CDH13: variants seen among roughly 807,000 people sequenced by gnomAD.
The protein encoded by CDH13 is cadherin-13.
CDH13 carries 24 observed loss-of-function variants against 63.8 expected under a neutral mutation model. That is an observed-to-expected ratio of 0.38 (90% confidence interval 0.27 to 0.53). CDH13 has a LOEUF of 0.53. Ranked by LOEUF, CDH13 falls within the 20% of genes least tolerant of loss-of-function variation. The probability of loss-of-function intolerance (pLI) is 0.85; values close to 1 mark genes in which losing one functional copy is unlikely to be tolerated. For synonymous variants in CDH13, 503 were observed against 355.3 expected, an observed-to-expected ratio of 1.42 and a Z score of -4.67; for missense variants, 1,049 against 903.1, an observed-to-expected ratio of 1.16 and a Z score of -2.07.
At chr16:82,990,706 C>T (rs886398482) in intron 2 of CDH13, among the ~76,000 whole-genome samples, 2 of 151,994 alleles carry the variant, frequency 1.3e-5, no homozygotes, top group African/African-American at 4.8e-5. Flanking sequence ...GCCACCAGGA[C>T]CAGCTATTTA....
intron 2 of CDH13, among the ~76,000 whole-genome samples, chr16:82,901,324 CTGTGTGTGTGTG>C (rs61370328): frequency 1.2e-3 from 155 of 130,464 alleles, no homozygotes; most frequent in Admixed American, 1.8e-3. Flanking sequence ...TAGTATTCTC[CTGTGTGTGTGTG>C]TGTGTGTGTG....
chr16:82,678,030 A>G (rs1018391987), intron 1 of CDH13, among the ~76,000 whole-genome samples: 2 of 152,160 alleles, frequency 1.3e-5, no homozygotes, highest in African/African-American at 2.4e-5. Flanking sequence ...GAATAGTAAG[A>G]AGCATTGCAC....
At position 83,795,052 on chromosome 16, in the gene CDH13, T is replaced by C. The variant is rs777295685; in HGVS notation, c.*22T>C. 21 of 1,582,072 alleles carry C rather than the reference T, an allele frequency of 1.3e-5. No homozygotes were observed. The South Asian group carries it at 2.2e-4, about 17-fold the overall frequency. On this transcript the variant is annotated 3_prime_UTR_variant, in exon 14 of 14. Coordinates refer to ENST00000567109, the MANE Select transcript of CDH13 (RefSeq NM_001257.5). ...GTGAGAACTCCTGACGTCTGAAGCT[T>C]GACTCCCAAGTTTCCATAGCAACAG...
At chr16:83,217,295 T>C (rs1437270872) in intron 4 of CDH13, 50 bp from the exon 5 acceptor site, 2 of 1,598,222 alleles carry the variant, frequency 1.3e-6, no homozygotes, top group African/African-American at 2.7e-5. Context: ...CAATGTGCTT[T>C]CTCTGTGTTT....
intron 2 of CDH13, among the ~76,000 whole-genome samples, chr16:82,975,005 C>T (rs1597337042): frequency 6.6e-6 from 1 of 152,170 alleles, no homozygotes; most frequent in Admixed American, 6.5e-5. Flanking sequence ...TCCAGGCCCA[C>T]ATTTCTGATA....
At chr16:83,376,907 G>A (rs1480023945) in intron 6 of CDH13, among the ~76,000 whole-genome samples, 2 of 152,150 alleles carry the variant, frequency 1.3e-5, no homozygotes, top group East Asian at 1.9e-4. Flanking sequence ...TCTGATAGAA[G>A]CCAGCACCAC....
chr16:83,447,324 A>G (rs2072735829), intron 6 of CDH13, among the ~76,000 whole-genome samples: 1 of 151,760 alleles, frequency 6.6e-6, no homozygotes, highest in South Asian at 2.1e-4. Flanking sequence ...CCAAGGCAGG[A>G]GATTTGCTTG....
intron 7 of CDH13, among the ~76,000 whole-genome samples, chr16:83,501,358 T>C (rs1345878371): frequency 6.6e-6 from 1 of 152,238 alleles, no homozygotes; most frequent in African/African-American, 2.4e-5. Flanking sequence ...TCTAAATTGT[T>C]GTGTGGGCTG....
chr16:82,856,757 C>T (rs1296360875), intron 1 of CDH13, among the ~76,000 whole-genome samples: 1 of 123,702 alleles, frequency 8.1e-6, no homozygotes, highest in Admixed American at 7.8e-5. Context: ...AGAAAAAATA[C>T]CAATAGGGAA....
chr16:82,897,658 A>G (rs922088284), intron 2 of CDH13, among the ~76,000 whole-genome samples: 1 of 152,244 alleles, frequency 6.6e-6, no homozygotes, highest in East Asian at 1.9e-4. Context: ...TGACACTTAA[A>G]GCCCATACCC....
intron 6 of CDH13, among the ~76,000 whole-genome samples, chr16:83,395,187 G>C (rs1446538708): frequency 1.3e-5 from 2 of 149,888 alleles, no homozygotes; most frequent in African/African-American, 2.5e-5. Context: ...GGTGGCATGT[G>C]CCTGTAATCC....
intron 2 of CDH13, among the ~76,000 whole-genome samples, chr16:82,934,823 A>T (rs2042614981): frequency 6.6e-6 from 1 of 152,204 alleles, no homozygotes; most frequent in African/African-American, 2.4e-5. Context: ...TCTCTGTCTG[A>T]GATCACCTCA....
At chr16:82,802,170 G>A (rs985466533) in intron 1 of CDH13, among the ~76,000 whole-genome samples, 1 of 152,154 alleles carries the variant, frequency 6.6e-6, no homozygotes, top group Non-Finnish European at 1.5e-5. Context: ...CTTTCCACCT[G>A]CCAAGAGAGG....
At chr16:83,499,797 C>T (rs144564127) in intron 7 of CDH13, among the ~76,000 whole-genome samples, 1 of 99,746 alleles carries the variant, frequency 1.0e-5, no homozygotes, top group African/African-American at 3.8e-5. Flanking sequence ...TTTAGAAAAC[C>T]AATTCTGTTA....
chr16:83,157,804 T>G (rs1185944507), intron 4 of CDH13, among the ~76,000 whole-genome samples: 1 of 146,738 alleles, frequency 6.8e-6, no homozygotes, highest in Non-Finnish European at 1.5e-5. Flanking sequence ...TCCCAGCAAC[T>G]CGGGAGGCAG....
intron 2 of CDH13, among the ~76,000 whole-genome samples, chr16:82,943,760 AC>A (rs1904384773): frequency 1.3e-5 from 2 of 152,378 alleles, no homozygotes; most frequent in Non-Finnish European, 2.9e-5. Context: ...GCAATCAATT[AC>A]ACAGATGTCT....
chr16:82,908,262 AG>A (rs979083226), intron 2 of CDH13, among the ~76,000 whole-genome samples: 168 of 152,228 alleles, frequency 1.1e-3, no homozygotes, highest in African/African-American at 3.7e-3. Context: ...CTGAGGGAGG[AG>A]GTGCCTTCTT....
chr16:82,866,202 G>A (rs549820418), intron 2 of CDH13, among the ~76,000 whole-genome samples: 47 of 152,106 alleles, frequency 3.1e-4, no homozygotes, highest in African/African-American at 1.1e-3. Context: ...TCTCTGGGAA[G>A]TTCCAAACTT....
intron 1 of CDH13, among the ~76,000 whole-genome samples, chr16:82,752,311 T>A (rs1293373816): frequency 6.6e-6 from 1 of 152,210 alleles, no homozygotes; most frequent in Non-Finnish European, 1.5e-5. Flanking sequence ...CCGCCAATGA[T>A]GGATAGAGAG....
Sources: gnomAD v4.1 joint callset for allele counts (sites outside exome capture counted in the v4.1 genomes callset) on GRCh38, gnomAD v4.1.1 for gene constraint, MANE v1.5 for transcripts, NCBI Gene and HGNC (gene_info 2026-07-23, HGNC 2026-07-21) for gene names.